The following DYNC2I1 variants were observed in gnomAD, a reference collection of about 807,000 sequenced individuals.
DYNC2I1 encodes dynein 2 intermediate chain 1.
Under a neutral mutation model 133.4 loss-of-function variants are expected in DYNC2I1, and 89 were observed. That is an observed-to-expected ratio of 0.67 (90% confidence interval 0.56 to 0.80). DYNC2I1 has a LOEUF of 0.80. Ranked by LOEUF, DYNC2I1 falls within the 30% of genes least tolerant of loss-of-function variation. The pLI is 0.00. For synonymous variants in DYNC2I1, 504 were observed against 484.3 expected (o/e 1.04, Z -0.54); for missense variants, 1,291 against 1,314.5 (o/e 0.98, Z 0.28).
chr7:158,955,908 C>T lies in DYNC2I1; in HGVS notation c.*57-675C>T, dbSNP rs557721238. Among the ~76,000 whole-genome samples, 373 of 152,324 alleles carry T rather than the reference C, an allele frequency of 2.4e-3. 1 individual carries two copies. The highest frequency in any genetic ancestry group is 8.6e-3 in the African/African-American group (359 of 41,580). Reference sequence around the variant, plus strand: ...GACGAGAAGTAGAAATGTGTGTCCTCAGCCTGGTGTCGCCCCAGGGGTTGG... The same window carrying T: ...GACGAGAAGTAGAAATGTGTGTCCTTAGCCTGGTGTCGCCCCAGGGGTTGG... On this transcript the variant is annotated intron_variant and NMD_transcript_variant, in intron 4 of 4. Transcript: ENST00000454771.
At chr7:158,906,784 TTTAAAATCTCTTATCACCTAGCTCAG>T (rs1431893911) in intron 11 of DYNC2I1, among the ~76,000 whole-genome samples, 1 of 152,158 alleles carries the variant, frequency 6.6e-6, no homozygotes, top group Non-Finnish European at 1.5e-5. Context: ...TAAAAGTGGA[TTTAAAATCTCTTATCACCTAGCTCAG>T]TATATGGCCT....
rs1203950447 is a variant in DYNC2I1 at position 158,884,551 on chromosome 7, TTTTG to T, written c.880-8_880-5del. The T allele has an allele frequency of 1.7e-5, 27 of 1,609,100 alleles. No individual in the cohort carries two copies. The highest frequency in any genetic ancestry group is 2.3e-5 in the Non-Finnish European group (27 of 1,177,700). The stretch of plus-strand genomic sequence containing the variant: ...CTAATAAATGGTTATGGGATTATAT[TTTTG>T]TTTGATAGAATGGTGAACACAGAAA... On this transcript the variant is annotated splice_polypyrimidine_tract_variant and intron_variant, in intron 5 of 24. Transcript: ENST00000407559.
At chr7:158,922,335 T>A (rs1251567741) in intron 15 of DYNC2I1, 42 bp from the exon 16 acceptor site, 1 of 1,584,346 alleles carries the variant, frequency 6.3e-7, no homozygotes, top group East Asian at 2.2e-5. Flanking sequence ...ACTTGGATTC[T>A]GGCAGGTCGT....
intron 14 of DYNC2I1, among the ~76,000 whole-genome samples, chr7:158,916,928 T>G (rs1848405912): frequency 1.2e-5 from 1 of 82,964 alleles, no homozygotes; most frequent in African/African-American, 4.3e-5. Context: ...AGGATGATTG[T>G]GAAACGTCTA....
chr7:158,911,490 A>G, intron 11 of DYNC2I1, 60 bp from the exon 12 acceptor site: 1 of 1,568,766 alleles, frequency 6.4e-7, no homozygotes, highest in Non-Finnish European at 8.7e-7. Flanking sequence ...TGTTCTCCCT[A>G]CACTTCCCCA....
At chr7:158,889,142 G>A (rs1207541978) in intron 7 of DYNC2I1, among the ~76,000 whole-genome samples, 12 of 148,320 alleles carry the variant, frequency 8.1e-5, no homozygotes, top group East Asian at 2.0e-4. Context: ...GCGCAGTGGC[G>A]CGATCTTGGC....
chr7:158,908,006 A>G (rs1351465004), intron 11 of DYNC2I1, among the ~76,000 whole-genome samples: 1 of 152,102 alleles, frequency 6.6e-6, no homozygotes, highest in East Asian at 1.9e-4. Context: ...ATTATTTTGG[A>G]TCAAAAATTT....
At chr7:158,877,062 T>G (rs1208927019) in intron 4 of DYNC2I1, among the ~76,000 whole-genome samples, 5 of 152,278 alleles carry the variant, frequency 3.3e-5, no homozygotes, top group Non-Finnish European at 4.4e-5. Context: ...ATAAGTTGTT[T>G]AAACGGAACA....
At chr7:158,910,783 G>C (rs1215126737) in intron 11 of DYNC2I1, among the ~76,000 whole-genome samples, 1 of 151,442 alleles carries the variant, frequency 6.6e-6, no homozygotes, top group Non-Finnish European at 1.5e-5. Context: ...GGCTGTGTCA[G>C]GCCTGTGTGC....
intron 1 of DYNC2I1, among the ~76,000 whole-genome samples, chr7:158,869,067 G>A (rs859781): frequency 0.43 from 65,961 of 152,052 alleles, 15,408 homozygotes; most frequent in East Asian, 0.69. Flanking sequence ...TCTGTTGCTG[G>A]TACCTGGGGC....
chr7:158,855,467 C>T (rs1259467138), upstream of DYNC2I1, among the ~76,000 whole-genome samples: 1 of 152,204 alleles, frequency 6.6e-6, no homozygotes, highest in African/African-American at 2.4e-5. Context: ...CCTCCAGCTG[C>T]ATATTAGAAA....
intron 1 of DYNC2I1, among the ~76,000 whole-genome samples, chr7:158,863,660 G>T (rs1392143838): frequency 1.4e-5 from 1 of 69,804 alleles, no homozygotes; most frequent in Non-Finnish European, 2.8e-5. Context: ...CCTTAGCTGG[G>T]GGGGGGTGTG....
At chr7:158,870,805 A>ACC (rs1168061425) in intron 2 of DYNC2I1, among the ~76,000 whole-genome samples, 9 of 152,248 alleles carry the variant, frequency 5.9e-5, no homozygotes, top group African/African-American at 2.2e-4. Flanking sequence ...AGTACCTGTC[A>ACC]CCCGAATAGT....
downstream of DYNC2I1, among the ~76,000 whole-genome samples, chr7:158,950,252 TG>T (rs1167092338): frequency 3.3e-5 from 5 of 152,062 alleles, no homozygotes. Context: ...TTAATAGAGA[TG>T]GGGTTTTGCC....
At chr7:158,934,302 T>C in intron 22 of DYNC2I1, 74 bp downstream of exon 22, 1 of 1,528,592 alleles carries the variant, frequency 6.5e-7, no homozygotes, top group Non-Finnish European at 8.8e-7. Context: ...AATATCTTGA[T>C]TTAGGATTAA....
At chr7:158,874,990 C>G (rs1843222235) in intron 3 of DYNC2I1, among the ~76,000 whole-genome samples, 1 of 151,900 alleles carries the variant, frequency 6.6e-6, no homozygotes, top group African/African-American at 2.4e-5. Context: ...CTTCCAGTCT[C>G]TTGGAGAGTC....
At chr7:158,920,004 G>C (rs1022530504) in intron 15 of DYNC2I1, among the ~76,000 whole-genome samples, 1 of 151,412 alleles carries the variant, frequency 6.6e-6, no homozygotes, top group Non-Finnish European at 1.5e-5. Context: ...CTCCGTCGGA[G>C]AACACGTGAA....
In DYNC2I1 at chr7:158,918,741, T is replaced by C; in HGVS notation, c.1793T>C (p.Val598Ala). The change falls in exon 15 of 25, where the codon GTG becomes GCG. Residue 598 changes from valine (V) to alanine (A), a missense_variant and splice_region_variant. Val to Ala is a moderately conservative substitution (Grantham distance 64). Coordinates refer to ENST00000407559, the MANE Select transcript of DYNC2I1 (RefSeq NM_018051.5). ...LCSFLRAACQ[V>A]MAVLLEEDRL... ...AGACTACTCACTTATGTCTGACAGG[T>C]GATGGCCGTTTTGCTGGAAGAGGAT... The C allele has an allele frequency of 6.2e-7, 1 of 1,613,754 alleles. No homozygotes were observed. Among genetic ancestry groups the C allele is most frequent in the Non-Finnish European group, 8.5e-7 (1 of 1,179,770 alleles).
At chr7:158,951,523 G>A (rs549991326) in intron 4 of DYNC2I1, among the ~76,000 whole-genome samples, 50 of 152,242 alleles carry the variant, frequency 3.3e-4, no homozygotes, top group Non-Finnish European at 5.7e-4. Context: ...GAGACTGGGC[G>A]TGTTCCTACC....
Sources: allele counts gnomAD v4.1 joint callset (sites outside exome capture counted in the v4.1 genomes callset), GRCh38; gene constraint gnomAD v4.1.1; transcripts MANE v1.5; gene names NCBI Gene and HGNC (gene_info 2026-07-23, HGNC 2026-07-21).